AFAP1L1: variants seen among roughly 807,000 people sequenced by gnomAD.
AFAP1L1 encodes the protein actin filament associated protein 1 like 1, also known as actin filament-associated protein 1-like 1.
In AFAP1L1, 77 loss-of-function variants were observed where a neutral mutation model predicts 99.8. The ratio of observed to expected loss-of-function variants is 0.77; its 90% CI spans 0.64 to 0.93. The LOEUF is 0.93. Among genes scored for constraint, AFAP1L1 ranks in the 40% least tolerant of loss-of-function variants. AFAP1L1 has a pLI of 0.00. For missense variants in AFAP1L1, 893 were observed against 996.8 expected (o/e 0.90, Z 1.40); for synonymous variants, 373 against 395.3 (o/e 0.94, Z 0.67).
rs1218090974 is a variant in AFAP1L1 at position 149,341,766 on chromosome 5, A to G, written c.*1736A>G. ...CTAAGCAAATAGCAAGACCCCATCT[A>G]TTAAAAAAAAAAAGTGGCTATTATT... is the stretch of plus-strand genomic sequence containing the variant. On this transcript the variant is annotated 3_prime_UTR_variant, in exon 19 of 19. Coordinates refer to ENST00000296721, the MANE Select transcript of AFAP1L1 (RefSeq NM_152406.4). The G allele has an allele frequency of 6.6e-6, 1 of 151,760 alleles. No homozygotes were observed. The highest frequency in any genetic ancestry group is 1.5e-5 in the Non-Finnish European group (1 of 67,954). The allele number at this position is 151,760 out of a possible 1,614,324, so 9.4% of individuals were successfully genotyped here.
At chr5:149,319,070 A>G (rs751473109) in intron 12 of AFAP1L1, among the ~76,000 whole-genome samples, 6 of 152,178 alleles carry the variant, frequency 3.9e-5, no homozygotes, top group Non-Finnish European at 8.8e-5. Context: ...TGCTAATTTA[A>G]TTTTATAAGA....
At position 149,299,492 on chromosome 5, in the gene AFAP1L1, T is replaced by G. The variant is rs201883370; in HGVS notation, c.17-17T>G. 131 of 1,613,578 alleles carry G rather than the reference T, an allele frequency of 8.1e-5. No individual in the cohort carries two copies. Among genetic ancestry groups the G allele is most frequent in the Non-Finnish European group, 1.0e-4 (123 of 1,179,886 alleles). On this transcript the variant is annotated splice_polypyrimidine_tract_variant and intron_variant, in intron 1 of 18. Coordinates refer to ENST00000296721, the MANE Select transcript of AFAP1L1 (RefSeq NM_152406.4). The stretch of plus-strand genomic sequence containing the variant: ...GACTGTGCAGCTGTGACTGTGCCCG[T>G]CTGCCTTCCTCCGCAGTGCTGGAGC...
At chr5:149,315,977 C>G in intron 10 of AFAP1L1, 63 bp downstream of exon 10, 1 of 1,598,952 alleles carries the variant, frequency 6.3e-7, no homozygotes, top group Non-Finnish European at 8.6e-7. Context: ...TGCCCATGGG[C>G]ACACAGCGGC....
At chr5:149,300,246 G>A (rs1403653118) in intron 2 of AFAP1L1, 25 bp from the exon 3 acceptor site, 5 of 1,585,048 alleles carry the variant, frequency 3.2e-6, no homozygotes, top group South Asian at 2.3e-5. Context: ...CTTCACAGCT[G>A]GCATGTCCCC....
chr5:149,312,020 T>C (rs1756644498), intron 8 of AFAP1L1, 92 bp from the exon 9 acceptor site: 22 of 1,203,740 alleles, frequency 1.8e-5, no homozygotes, highest in Non-Finnish European at 2.6e-5. Context: ...CCTGACCCTC[T>C]GTTCTACAGC....
At chr5:149,323,434 C>T (rs1757011005) in intron 15 of AFAP1L1, among the ~76,000 whole-genome samples, 1 of 152,248 alleles carries the variant, frequency 6.6e-6, no homozygotes, top group East Asian at 1.9e-4. Flanking sequence ...GTAATCTGTG[C>T]TTCTGTGTGA....
intron 5 of AFAP1L1, 33 bp from the exon 6 acceptor site, chr5:149,306,273 C>T (rs1756407250): frequency 2.5e-6 from 4 of 1,580,262 alleles, no homozygotes; most frequent in Non-Finnish European, 3.5e-6. Flanking sequence ...GCCTGCATTT[C>T]TCCAAAGTGC....
chr5:149,308,575 C>G (rs928415667), intron 7 of AFAP1L1, among the ~76,000 whole-genome samples: 1 of 152,202 alleles, frequency 6.6e-6, no homozygotes, highest in East Asian at 1.9e-4. Flanking sequence ...AGAATAGCTT[C>G]TCTCCCCAGA....
rs532450624 is a variant in AFAP1L1 at position 149,283,960 on chromosome 5, AC to A, written c.16+11978del. 1.1e-4 allele frequency among the ~76,000 whole-genome samples: 16 copies of A among 152,362 alleles called. No homozygotes were observed. The East Asian group carries it at 3.1e-3, about 29-fold the overall frequency. ...GTGGCAGAGAAAGTGAAACTTGGTCACCGATGCCTGGAACGTGAGGTCATAT... is the reference window on the plus strand; with the variant it reads ...GTGGCAGAGAAAGTGAAACTTGGTCACGATGCCTGGAACGTGAGGTCATAT... On this transcript the variant is annotated intron_variant, in intron 1 of 18. Transcript: ENST00000296721.
chr5:149,314,680 A>T (rs566142632), intron 9 of AFAP1L1, among the ~76,000 whole-genome samples: 1 of 152,292 alleles, frequency 6.6e-6, no homozygotes, highest in African/African-American at 2.4e-5. Flanking sequence ...GACAGCTGTC[A>T]TGTTTCCAGC....
intron 1 of AFAP1L1, among the ~76,000 whole-genome samples, chr5:149,273,670 G>A (rs1166244667): frequency 6.6e-6 from 1 of 152,028 alleles, no homozygotes; most frequent in East Asian, 1.9e-4. Flanking sequence ...ACATCAGGGA[G>A]GAAAAACAGA....
Position 149,307,551 on chromosome 5 carries a change from C to T in AFAP1L1, c.685C>T (p.Arg229Trp), listed in dbSNP as rs570213105. Residue 229 changes from arginine to tryptophan, a missense_variant, in exon 7 of 19, where the codon CGG becomes TGG. Arg to Trp is a moderately radical substitution (Grantham distance 101). Coordinates refer to ENST00000296721, the MANE Select transcript of AFAP1L1 (RefSeq NM_152406.4). ...RECRICAFLL[R>W]KKRFGQWAKQ... ...ATGCAGGATATGTGCCTTCCTGCTG[C>T]GGAAAAAGCGTTTCGGGCAGTGGGC... is the stretch of plus-strand genomic sequence containing the variant. 1.1e-5 allele frequency: 17 copies of T among 1,613,794 alleles called. No homozygotes were observed. The highest frequency in any genetic ancestry group is 2.7e-5 in the African/African-American group (2 of 75,008).
chr5:149,298,625 T>C (rs1284179157), intron 1 of AFAP1L1, among the ~76,000 whole-genome samples: 1 of 152,206 alleles, frequency 6.6e-6, no homozygotes, highest in African/African-American at 2.4e-5. Flanking sequence ...AAATGCTTAG[T>C]GGGTTGCAAA....
intron 1 of AFAP1L1, among the ~76,000 whole-genome samples, chr5:149,285,860 G>T (rs1185580262): frequency 6.6e-5 from 10 of 152,112 alleles, no homozygotes; most frequent in African/African-American, 2.4e-4. Context: ...CAGGATTCTT[G>T]GGGCCTCCCT....
At chr5:149,316,900 C>T (rs910313318) in intron 11 of AFAP1L1, among the ~76,000 whole-genome samples, 7 of 152,210 alleles carry the variant, frequency 4.6e-5, no homozygotes, top group Non-Finnish European at 7.3e-5. Context: ...CACAGAGGCT[C>T]ACCTCTGTAA....
intron 7 of AFAP1L1, among the ~76,000 whole-genome samples, chr5:149,308,970 G>A (rs1208528359): frequency 6.6e-6 from 1 of 151,956 alleles, no homozygotes; most frequent in Non-Finnish European, 1.5e-5. Context: ...AATTAGCCAG[G>A]CATAGTGGTA....
chr5:149,335,678 TC>T lies in AFAP1L1; in HGVS notation c.2241del (p.Ile748SerfsTer2). 6.2e-7 allele frequency: 1 copy of T among 1,613,830 alleles called. No homozygotes were observed. The highest frequency in any genetic ancestry group is 8.5e-7 in the Non-Finnish European group (1 of 1,179,996). On this transcript the variant is annotated frameshift_variant, in exon 18 of 19. Coordinates refer to ENST00000296721, the MANE Select transcript of AFAP1L1 (RefSeq NM_152406.4). LOFTEE classifies it high-confidence loss of function. Reference sequence around the variant, plus strand: ...TTCTGAGCTGAGGAAGAGGAGCCCATCCATCGTAGCCTCCAACCAAGGAAGG... The same window carrying T: ...TTCTGAGCTGAGGAAGAGGAGCCCATCATCGTAGCCTCCAACCAAGGAAGG... Reference protein sequence around the residue: ...CVSELRKRSPSIVASNQGRVL... With the variant: ...CVSELRKRSPXIVASNQGRVL...
chr5:149,307,710 C>G, intron 7 of AFAP1L1, 97 bp downstream of exon 7: 1 of 1,281,888 alleles, frequency 7.8e-7, no homozygotes, highest in Non-Finnish European at 1.1e-6. Flanking sequence ...TTGGGCATAC[C>G]TGGATTGACT....
intron 6 of AFAP1L1, among the ~76,000 whole-genome samples, chr5:149,306,854 C>CATTT (rs80106385): frequency 0.049 from 7,484 of 152,224 alleles, 196 homozygotes; most frequent in African/African-American, 0.062. Context: ...TGGGTACTGT[C>CATTT]ATTTATTATG....
Sources: allele counts gnomAD v4.1 joint callset (sites outside exome capture counted in the v4.1 genomes callset), GRCh38; gene constraint gnomAD v4.1.1; transcripts MANE v1.5; gene names NCBI Gene and HGNC (gene_info 2026-07-23, HGNC 2026-07-21).